Variants in KHDRBS2 observed in about 807,000 individuals in gnomAD.
The protein encoded by KHDRBS2 is KH domain-containing, RNA-binding, signal transduction-associated protein 2.
A neutral mutation model predicts 44.3 loss-of-function variants in KHDRBS2; 26 were observed. That is an observed-to-expected ratio of 0.59 (90% confidence interval 0.43 to 0.81). KHDRBS2 has a LOEUF of 0.81. KHDRBS2 is among the 40% of genes least tolerant of loss of function. The pLI is 0.00. For missense variants in KHDRBS2, 476 were observed against 433.1 expected, an observed-to-expected ratio of 1.10 and a Z score of -0.88; for synonymous variants, 194 against 151.1, an observed-to-expected ratio of 1.28 and a Z score of -2.08.
At chr6:62,161,488 G>A (rs1817608036) in intron 2 of KHDRBS2, among the ~76,000 whole-genome samples, 1 of 140,016 alleles carries the variant, frequency 7.1e-6, no homozygotes, top group Admixed American at 7.8e-5. Flanking sequence ...ATCATTTAAA[G>A]TATATGTGAG....
chr6:62,176,555 A>C (rs1361266201), intron 2 of KHDRBS2, among the ~76,000 whole-genome samples: 2 of 151,314 alleles, frequency 1.3e-5, no homozygotes, highest in Non-Finnish European at 3.0e-5. Context: ...TTTGACCAAA[A>C]AAAATCCCTC....
chr6:61,569,122 G>A, the KHDRBS2 span, among the ~76,000 whole-genome samples: 15 of 152,130 alleles, frequency 9.9e-5, no homozygotes, highest in South Asian at 6.2e-4. Context: ...GAGGCCTCTC[G>A]CTACTGGCTA....
chr6:61,983,236 CTTT>C (rs1173961055), intron 3 of KHDRBS2, among the ~76,000 whole-genome samples: 34 of 118,506 alleles, frequency 2.9e-4, no homozygotes, highest in South Asian at 1.1e-3. Flanking sequence ...TTCTTTCTTT[CTTT>C]TTTTTTTTTT....
chr6:61,934,160 T>G (rs2085840205), intron 4 of KHDRBS2, among the ~76,000 whole-genome samples: 2 of 152,284 alleles, frequency 1.3e-5, no homozygotes, highest in South Asian at 4.1e-4. Context: ...GGTTTTTTTT[T>G]GCAGTTGAAT....
the KHDRBS2 span, among the ~76,000 whole-genome samples, chr6:61,579,236 G>A: frequency 2.0e-5 from 3 of 152,088 alleles, no homozygotes; most frequent in African/African-American, 7.2e-5. Context: ...TCTGACCTCG[G>A]CTAAACTTCT....
intron 3 of KHDRBS2, among the ~76,000 whole-genome samples, chr6:61,997,363 A>G (rs2127255415): frequency 6.6e-6 from 1 of 152,318 alleles, no homozygotes; most frequent in African/African-American, 2.4e-5. Context: ...ACTTATAGTC[A>G]ATGGAGACCT....
intron 1 of KHDRBS2, among the ~76,000 whole-genome samples, chr6:62,205,310 A>G (rs1479427153): frequency 1.3e-5 from 2 of 152,162 alleles, no homozygotes; most frequent in Non-Finnish European, 2.9e-5. Flanking sequence ...GTTAGTACAC[A>G]AGTGAGGCAA....
chr6:61,982,670 C>CAAAAAA (rs1264177227), intron 3 of KHDRBS2, among the ~76,000 whole-genome samples: 1 of 66,018 alleles, frequency 1.5e-5, no homozygotes, highest in Non-Finnish European at 3.6e-5. Flanking sequence ...AACTCTGTCT[C>CAAAAAA]AAAAAAAAAA....
At position 61,843,655 on chromosome 6, in the gene KHDRBS2, G is replaced by A. The variant is rs149421415; in HGVS notation, c.810+50980C>T. Among the ~76,000 whole-genome samples, 143 of 152,094 alleles carry A rather than the reference G, an allele frequency of 9.4e-4. 4 individuals are homozygous for A. The South Asian group carries it at 0.022, about 23-fold the overall frequency. On this transcript the variant is annotated intron_variant, in intron 6 of 8. Transcript: ENST00000281156. The stretch of plus-strand genomic sequence containing the variant: ...GCTGGGATTACAGGCGTGAGCCACT[G>A]CACCCAGCCTATTTATACTATTATT...
chr6:62,137,079 C>A (rs1198253738), intron 2 of KHDRBS2, among the ~76,000 whole-genome samples: 2 of 141,968 alleles, frequency 1.4e-5, no homozygotes, highest in African/African-American at 2.6e-5. Context: ...CGGCTCACTG[C>A]AAGCTCCGCC....
intron 7 of KHDRBS2, among the ~76,000 whole-genome samples, chr6:61,702,831 A>G (rs973967199): frequency 7.2e-5 from 11 of 151,936 alleles, no homozygotes; most frequent in African/African-American, 2.7e-4. Context: ...CTATTTCATT[A>G]TTTTTAGTGT....
intron 2 of KHDRBS2, among the ~76,000 whole-genome samples, chr6:62,059,312 A>G (rs1289928978): frequency 6.7e-6 from 1 of 148,244 alleles, no homozygotes; most frequent in Admixed American, 6.9e-5. Flanking sequence ...AGTTCCAAAA[A>G]AGAAAAAACA....
intron 2 of KHDRBS2, among the ~76,000 whole-genome samples, chr6:62,063,045 C>T (rs1277096447): frequency 3.6e-4 from 54 of 148,368 alleles, no homozygotes; most frequent in African/African-American, 1.3e-3. Context: ...TGGATACATT[C>T]CTCGACACAT....
At chr6:61,795,575 G>C (rs552778292) in intron 6 of KHDRBS2, among the ~76,000 whole-genome samples, 2 of 152,152 alleles carry the variant, frequency 1.3e-5, no homozygotes, top group African/African-American at 4.8e-5. Context: ...AGAAGAAAAG[G>C]ATGGTTTTCA....
At chr6:61,855,184 T>A (rs963023557) in intron 6 of KHDRBS2, among the ~76,000 whole-genome samples, 3 of 152,130 alleles carry the variant, frequency 2.0e-5, no homozygotes, top group South Asian at 2.1e-4. Context: ...ACATGCCATA[T>A]CCTTTGTAAA....
chr6:61,678,497 A>T (rs1766070313), downstream of KHDRBS2, among the ~76,000 whole-genome samples: 2 of 151,920 alleles, frequency 1.3e-5, no homozygotes, highest in Non-Finnish European at 2.9e-5. Context: ...TTGGTCAGGG[A>T]CTACCCTGTC....
At chr6:61,687,415 A>G (rs1561970191) in intron 8 of KHDRBS2, among the ~76,000 whole-genome samples, 1 of 151,814 alleles carries the variant, frequency 6.6e-6, no homozygotes, top group African/African-American at 2.4e-5. Flanking sequence ...AAATCTTACC[A>G]TGCACATGGC....
the KHDRBS2 span, among the ~76,000 whole-genome samples, chr6:61,550,851 C>A: frequency 6.8e-6 from 1 of 146,698 alleles, no homozygotes; most frequent in Non-Finnish European, 1.5e-5. Context: ...CGGCTCACTG[C>A]AGCCTCCACC....
chr6:62,145,543 G>GGACC (rs201384817), intron 2 of KHDRBS2, among the ~76,000 whole-genome samples: 11,302 of 151,758 alleles, frequency 0.074, 449 homozygotes, highest in African/African-American at 0.086. Flanking sequence ...GGACCAATGT[G>GGACC]ATGTTAAAGT....
Sources: gnomAD v4.1 joint callset for allele counts (sites outside exome capture counted in the v4.1 genomes callset) on GRCh38, gnomAD v4.1.1 for gene constraint, MANE v1.5 for transcripts, NCBI Gene and HGNC (gene_info 2026-07-23, HGNC 2026-07-21) for gene names.